The following GTF2IRD1 variants were observed in gnomAD, a reference collection of about 807,000 sequenced individuals.
GTF2IRD1 encodes the protein general transcription factor II-I repeat domain-containing protein 1.
GTF2IRD1 carries 26 observed loss-of-function variants against 113.2 expected under a neutral mutation model. The observed-to-expected ratio is 0.23, with a 90% CI of 0.17 to 0.32. The LOEUF (loss-of-function observed/expected upper bound fraction) is 0.32, where lower values mean the gene tolerates loss of function less well. GTF2IRD1 is among the 10% of genes least tolerant of loss of function. The pLI, the probability that GTF2IRD1 is intolerant of heterozygous loss-of-function variation, is 1.00. For missense variants in GTF2IRD1, 864 were observed against 1,280.8 expected (o/e 0.67, Z 4.97); for synonymous variants, 484 against 529.1 (o/e 0.91, Z 1.17).
At chr7:74,456,533 A>T (rs895555231) in intron 1 of GTF2IRD1, among the ~76,000 whole-genome samples, 1 of 152,026 alleles carries the variant, frequency 6.6e-6, no homozygotes, top group African/African-American at 2.4e-5. Flanking sequence ...AATACAAAAA[A>T]TTAGCCAGGC....
At chr7:74,491,770 A>C (rs1021114413) in intron 1 of GTF2IRD1, among the ~76,000 whole-genome samples, 6 of 152,082 alleles carry the variant, frequency 3.9e-5, no homozygotes, top group African/African-American at 1.4e-4. Flanking sequence ...GCTGTTGTGA[A>C]TAGTGCTGCA....
chr7:74,470,110 G>C lies in GTF2IRD1; in HGVS notation c.-7+15934G>C, dbSNP rs1793991030. On this transcript the variant is annotated intron_variant, in intron 1 of 26. Coordinates refer to ENST00000424337, the MANE Select transcript of GTF2IRD1 (RefSeq NM_005685.4). ...TTTCCCAGGCTCCAGCTATTCTCCT[G>C]CCTCAGCCTCCCGAGTAGCTGGGAC... is the stretch of plus-strand genomic sequence containing the variant. Among the ~76,000 whole-genome samples the C allele has an allele frequency of 2.0e-5, 3 of 152,116 alleles. No homozygotes were observed. The South Asian group carries it at 6.2e-4, about 32-fold the overall frequency.
chr7:74,520,011 G>A (rs1031586177), intron 6 of GTF2IRD1, among the ~76,000 whole-genome samples: 1 of 144,002 alleles, frequency 6.9e-6, no homozygotes, highest in African/African-American at 2.6e-5. Flanking sequence ...GATCACCTGA[G>A]CCCAGGAGTT....
intron 24 of GTF2IRD1, among the ~76,000 whole-genome samples, 164 bp from the exon 25 acceptor site, chr7:74,594,850 G>A (rs1554371655): frequency 6.6e-6 from 1 of 151,854 alleles, no homozygotes; most frequent in Non-Finnish European, 1.5e-5. Flanking sequence ...TACTCGGGAG[G>A]CTGAGACAGG....
intron 8 of GTF2IRD1, among the ~76,000 whole-genome samples, chr7:74,526,687 T>C (rs1797620181): frequency 6.6e-6 from 1 of 150,422 alleles, no homozygotes; most frequent in Non-Finnish European, 1.5e-5. Context: ...TCCCCAGTGC[T>C]GAAAAGACAA....
chr7:74,518,372 G>A, intron 5 of GTF2IRD1, 50 bp downstream of exon 5: 1 of 1,451,992 alleles, frequency 6.9e-7, no homozygotes, highest in Non-Finnish European at 9.3e-7. Context: ...GCCAGGGCCG[G>A]GTCAGGGCCG....
intron 1 of GTF2IRD1, among the ~76,000 whole-genome samples, chr7:74,486,128 G>A (rs538106126): frequency 3.3e-4 from 50 of 152,064 alleles, no homozygotes; most frequent in African/African-American, 1.1e-3. Flanking sequence ...CCAACACCAC[G>A]CCCAGCTAAT....
At chr7:74,594,947 A>G in intron 24 of GTF2IRD1, 67 bp from the exon 25 acceptor site, 1 of 1,149,114 alleles carries the variant, frequency 8.7e-7, no homozygotes. Context: ...GTGAGACTCC[A>G]TCTCAAAAAA....
At chr7:74,521,561 A>C (rs948159821) in intron 7 of GTF2IRD1, among the ~76,000 whole-genome samples, 3 of 152,154 alleles carry the variant, frequency 2.0e-5, no homozygotes, top group Non-Finnish European at 2.9e-5. Context: ...CAGGAGTTTG[A>C]GACCAGCCTG....
At chr7:74,552,288 G>A (rs1554355256) in intron 17 of GTF2IRD1, among the ~76,000 whole-genome samples, 4 of 152,122 alleles carry the variant, frequency 2.6e-5, no homozygotes, top group Admixed American at 6.6e-5. Flanking sequence ...GGGGGTTGAG[G>A]AGGGTGTATC....
chr7:74,493,096 CTCT>C (rs201567373), intron 1 of GTF2IRD1, among the ~76,000 whole-genome samples: 5 of 149,454 alleles, frequency 3.3e-5, no homozygotes, highest in Admixed American at 6.7e-5. Context: ...CTGGCATGAC[CTCT>C]TCTTCTTCTT....
intron 1 of GTF2IRD1, among the ~76,000 whole-genome samples, chr7:74,497,455 A>G (rs4717897): frequency 0.28 from 42,532 of 151,812 alleles, 7,046 homozygotes; most frequent in African/African-American, 0.45. Context: ...GTAGAGATGG[A>G]ATCTTGCCAG....
intron 1 of GTF2IRD1, among the ~76,000 whole-genome samples, chr7:74,454,543 C>G (rs1439893760): frequency 2.6e-5 from 4 of 151,736 alleles, no homozygotes; most frequent in African/African-American, 9.7e-5. Flanking sequence ...TGGCGGGCGC[C>G]GGGGTGGGAG....
chr7:74,567,254 G>A (rs1800378173), intron 22 of GTF2IRD1, among the ~76,000 whole-genome samples: 3 of 152,026 alleles, frequency 2.0e-5, no homozygotes, highest in African/African-American at 7.2e-5. Flanking sequence ...CTTGAACCCG[G>A]GAGGCAGAGG....
At chr7:74,548,022 C>CTTCT (rs1452288790) in intron 17 of GTF2IRD1, among the ~76,000 whole-genome samples, 5 of 152,120 alleles carry the variant, frequency 3.3e-5, no homozygotes, top group Admixed American at 3.3e-4. Context: ...CCAGCAGTGG[C>CTTCT]TTCTACAGGC....
At chr7:74,462,273 G>T (rs943092492) in intron 1 of GTF2IRD1, among the ~76,000 whole-genome samples, 2 of 152,186 alleles carry the variant, frequency 1.3e-5, no homozygotes, top group Non-Finnish European at 2.9e-5. Context: ...GGAGGCTAAG[G>T]CAGGAGGATT....
chr7:74,515,716 G>T (rs1562823851), intron 4 of GTF2IRD1, 120 bp downstream of exon 4: 1 of 783,242 alleles, frequency 1.3e-6, no homozygotes, highest in South Asian at 1.8e-5. Flanking sequence ...GGACCCCAAG[G>T]CATGGGGCTA....
intron 22 of GTF2IRD1, among the ~76,000 whole-genome samples, chr7:74,585,409 G>A (rs868923731): frequency 3.3e-5 from 5 of 152,162 alleles, no homozygotes; most frequent in Middle Eastern, 3.4e-3. Flanking sequence ...CACCGTGCCC[G>A]GTCTGGGCCT....
At chr7:74,492,283 C>G (rs1315450528) in intron 1 of GTF2IRD1, among the ~76,000 whole-genome samples, 14 of 151,442 alleles carry the variant, frequency 9.2e-5, no homozygotes, top group South Asian at 2.1e-4. Flanking sequence ...CCATTCTCCT[C>G]CCTCAGCCTC....
Sources: allele counts gnomAD v4.1 joint callset (sites outside exome capture counted in the v4.1 genomes callset), GRCh38; gene constraint gnomAD v4.1.1; transcripts MANE v1.5; gene names NCBI Gene and HGNC (gene_info 2026-07-23, HGNC 2026-07-21).